The following PXDNL variants were observed in gnomAD, a reference collection of about 807,000 sequenced individuals.
The protein encoded by PXDNL is probable oxidoreductase PXDNL.
PXDNL carries 145 observed loss-of-function variants against 150.8 expected under a neutral mutation model. The ratio of observed to expected loss-of-function variants is 0.96; its 90% CI spans 0.84 to 1.10. The LOEUF is 1.10. Ranked by LOEUF, PXDNL falls within the 50% of genes least tolerant of loss-of-function variation. The pLI, the probability that PXDNL is intolerant of heterozygous loss-of-function variation, is 0.00. For missense variants in PXDNL, 2,087 were observed against 1,873.9 expected (o/e 1.11, Z -2.10); for synonymous variants, 757 against 725.7 (o/e 1.04, Z -0.69).
chr8:51,729,084 T>G (rs1309616091), intron 1 of PXDNL, among the ~76,000 whole-genome samples: 2 of 152,218 alleles, frequency 1.3e-5, no homozygotes, highest in African/African-American at 4.8e-5. Flanking sequence ...CTGTATAGGT[T>G]TGTAGCCTGA....
intron 1 of PXDNL, among the ~76,000 whole-genome samples, chr8:51,743,908 A>AAAGGAAGGAAGGAAGGAAGGAGGGAAGG (rs2036933941): frequency 4.5e-5 from 3 of 66,866 alleles, no homozygotes; most frequent in African/African-American, 1.4e-4. Flanking sequence ...GCTGAGAGAG[A>AAAGGAAGGAAGGAAGGAAGGAGGGAAGG]AAGGAAGGAA....
At chr8:51,778,997 T>C (rs1251396063) in intron 1 of PXDNL, among the ~76,000 whole-genome samples, 10 of 152,196 alleles carry the variant, frequency 6.6e-5, no homozygotes, top group Non-Finnish European at 7.3e-5. Flanking sequence ...TTGACTTTTT[T>C]CCACTTCAGG....
At position 51,715,647 on chromosome 8, in the gene PXDNL, G is replaced by A. The variant is rs540373684; in HGVS notation, c.165-60887C>T. On this transcript the variant is annotated intron_variant, in intron 1 of 22. Transcript: ENST00000356297. The stretch of plus-strand genomic sequence containing the variant: ...CGTAGCAAAGCACCTGCCATATGAG[G>A]AGGTCTGCAAATGCTACAATAGAAA... 2.0e-5 allele frequency among the ~76,000 whole-genome samples: 3 copies of A among 152,276 alleles called. No homozygotes were observed. In the East Asian group the frequency reaches 5.8e-4, roughly 29 times the overall value.
intron 1 of PXDNL, among the ~76,000 whole-genome samples, chr8:51,806,089 C>A (rs1308916960): frequency 6.6e-6 from 1 of 152,128 alleles, no homozygotes; most frequent in African/African-American, 2.4e-5. Flanking sequence ...TCTTTATAGT[C>A]AGAATGAAAT....
chr8:51,693,639 G>T (rs1816049830), intron 1 of PXDNL, among the ~76,000 whole-genome samples: 2 of 152,120 alleles, frequency 1.3e-5, no homozygotes, highest in South Asian at 4.1e-4. Flanking sequence ...GCATGGTGGT[G>T]TGCGCCTGTG....
chr8:51,522,289 G>C (rs930608808), intron 4 of PXDNL, among the ~76,000 whole-genome samples: 3 of 152,106 alleles, frequency 2.0e-5, no homozygotes, highest in Non-Finnish European at 4.4e-5. Flanking sequence ...CTGTAAAAAG[G>C]TATTTGTAGT....
intron 18 of PXDNL, among the ~76,000 whole-genome samples, chr8:51,372,428 A>G (rs1402921929): frequency 6.6e-6 from 1 of 152,206 alleles, no homozygotes; most frequent in Admixed American, 6.5e-5. Flanking sequence ...TCTGTAGCCC[A>G]GGTTGGAGTG....
At chr8:51,544,999 T>C (rs1231129638) in intron 4 of PXDNL, among the ~76,000 whole-genome samples, 1 of 152,178 alleles carries the variant, frequency 6.6e-6, no homozygotes, top group Non-Finnish European at 1.5e-5. Flanking sequence ...ATGATTAAAA[T>C]TATGATAAAT....
At chr8:51,715,823 A>C (rs934850668) in intron 1 of PXDNL, among the ~76,000 whole-genome samples, 1 of 152,120 alleles carries the variant, frequency 6.6e-6, no homozygotes, top group African/African-American at 2.4e-5. Context: ...GGTTCTTCTG[A>C]TCAGCAACCC....
chr8:51,637,921 GA>G (rs1814643612), intron 2 of PXDNL, among the ~76,000 whole-genome samples: 1 of 152,184 alleles, frequency 6.6e-6, no homozygotes, highest in Admixed American at 6.5e-5. Flanking sequence ...AAGTTGAAAT[GA>G]AGGAAAAAAT....
chr8:51,483,764 G>A, intron 5 of PXDNL, 50 bp from the exon 6 acceptor site: 1 of 1,097,972 alleles, frequency 9.1e-7, no homozygotes, highest in Non-Finnish European at 1.3e-6. Context: ...TAATGAATTT[G>A]ACAAACAAAA....
chr8:51,761,168 C>T (rs922593217), intron 1 of PXDNL, among the ~76,000 whole-genome samples: 2 of 151,770 alleles, frequency 1.3e-5, no homozygotes, highest in Admixed American at 6.6e-5. Flanking sequence ...CCACCGCGGC[C>T]GGCCTGAAAT....
At chr8:51,779,295 CCACACATATCATGATCT>C (rs1481042619) in intron 1 of PXDNL, among the ~76,000 whole-genome samples, 1 of 152,162 alleles carries the variant, frequency 6.6e-6, no homozygotes, top group Admixed American at 6.5e-5. Context: ...CAAGGGAAGG[CCACACATATCATGATCT>C]GACGGCGAGG....
intron 6 of PXDNL, among the ~76,000 whole-genome samples, chr8:51,478,218 T>C (rs1463430333): frequency 1.3e-5 from 2 of 152,186 alleles, no homozygotes; most frequent in African/African-American, 2.4e-5. Flanking sequence ...CTATACTAAA[T>C]ATTGAATACA....
chr8:51,561,927 A>T (rs896771508), intron 3 of PXDNL, among the ~76,000 whole-genome samples: 1 of 151,966 alleles, frequency 6.6e-6, no homozygotes, highest in Non-Finnish European at 1.5e-5. Flanking sequence ...AATCATCTAA[A>T]TTATATAAAA....
chr8:51,464,262 C>A (rs1320974000), intron 8 of PXDNL, among the ~76,000 whole-genome samples: 1 of 152,132 alleles, frequency 6.6e-6, no homozygotes, highest in African/African-American at 2.4e-5. Context: ...TACTCAGGAG[C>A]CTGAGGTGGA....
intron 14 of PXDNL, among the ~76,000 whole-genome samples, chr8:51,419,410 T>TTCTA (rs1434782969): frequency 1.3e-5 from 2 of 152,354 alleles, no homozygotes; most frequent in East Asian, 3.9e-4. Context: ...ATTGTTTGAA[T>TTCTA]TCTATCATGG....
chr8:51,491,729 C>T (rs546832998), intron 5 of PXDNL, among the ~76,000 whole-genome samples: 17 of 152,280 alleles, frequency 1.1e-4, no homozygotes, highest in African/African-American at 2.2e-4. Context: ...ATTGGCTACA[C>T]GACAAAAATA....
intron 4 of PXDNL, among the ~76,000 whole-genome samples, chr8:51,555,267 T>C (rs1298018768): frequency 6.6e-6 from 1 of 152,052 alleles, no homozygotes; most frequent in Non-Finnish European, 1.5e-5. Flanking sequence ...AGGAACCCAC[T>C]CCCATGATAA....
Sources: allele counts gnomAD v4.1 joint callset (sites outside exome capture counted in the v4.1 genomes callset), GRCh38; gene constraint gnomAD v4.1.1; transcripts MANE v1.5; gene names NCBI Gene and HGNC (gene_info 2026-07-23, HGNC 2026-07-21).